SLC10A7: variants seen among roughly 807,000 people sequenced by gnomAD.
SLC10A7 encodes the protein solute carrier family 10 member 7.
In SLC10A7, 29 loss-of-function variants were observed where a neutral mutation model predicts 43.2. That is an observed-to-expected ratio of 0.67 (90% CI 0.50 to 0.92). The LOEUF is 0.92. Among genes scored for constraint, SLC10A7 ranks in the 40% least tolerant of loss-of-function variants. The pLI is 0.00. For missense variants in SLC10A7, 295 were observed against 403.2 expected (o/e 0.73, Z 2.30); for synonymous variants, 152 against 144.8 (o/e 1.05, Z -0.35).
chr4:146,329,042 G>C (rs1463996773), intron 5 of SLC10A7, among the ~76,000 whole-genome samples: 1 of 152,186 alleles, frequency 6.6e-6, no homozygotes, highest in Non-Finnish European at 1.5e-5. Flanking sequence ...GAAAAGTGTT[G>C]TTATCCACAG....
intron 5 of SLC10A7, among the ~76,000 whole-genome samples, chr4:146,404,239 C>T (rs1257073733): frequency 6.6e-6 from 1 of 152,020 alleles, no homozygotes; most frequent in Non-Finnish European, 1.5e-5. Context: ...AGGCTGGTCT[C>T]AAACTCCTGG....
intron 4 of SLC10A7, among the ~76,000 whole-genome samples, chr4:146,499,933 A>C (rs1299425423): frequency 6.6e-6 from 1 of 152,206 alleles, no homozygotes; most frequent in African/African-American, 2.4e-5. Flanking sequence ...ACTTTGGCCA[A>C]AAGTTGAGAA....
intron 5 of SLC10A7, among the ~76,000 whole-genome samples, chr4:146,432,494 C>CA (rs1199834171): frequency 1.3e-5 from 2 of 151,940 alleles, no homozygotes; most frequent in African/African-American, 4.8e-5. Context: ...ACACCGTACT[C>CA]AAAAAGCATA....
At chr4:146,442,704 T>C (rs751327889) in intron 5 of SLC10A7, 79 bp downstream of exon 5, 2 of 1,571,064 alleles carry the variant, frequency 1.3e-6, no homozygotes, top group South Asian at 1.2e-5. Flanking sequence ...GTAAAACAAA[T>C]CCAGCTTTCA....
intron 3 of SLC10A7, 36 bp downstream of exon 3, chr4:146,509,877 T>C (rs911525765): frequency 6.3e-7 from 1 of 1,595,516 alleles, no homozygotes; most frequent in Non-Finnish European, 8.5e-7. Context: ...AGATGCCCCA[T>C]TAAAAGTGGA....
intron 9 of SLC10A7, among the ~76,000 whole-genome samples, chr4:146,287,350 T>C (rs1730102592): frequency 6.6e-6 from 1 of 152,150 alleles, no homozygotes; most frequent in East Asian, 1.9e-4. Flanking sequence ...CTGATGAACA[T>C]AGGTCCCAAA....
At chr4:146,339,005 G>A (rs894837615) in intron 5 of SLC10A7, among the ~76,000 whole-genome samples, 1 of 151,928 alleles carries the variant, frequency 6.6e-6, no homozygotes, top group African/African-American at 2.4e-5. Context: ...GGAGGAGGGG[G>A]ATAGTATGAA....
intron 1 of SLC10A7, among the ~76,000 whole-genome samples, chr4:146,517,536 G>A (rs1487504052): frequency 6.6e-6 from 1 of 152,064 alleles, no homozygotes; most frequent in African/African-American, 2.4e-5. Context: ...TTAGATATCA[G>A]TGTCACCCCT....
At chr4:146,257,454 C>T (rs145624997) in intron 11 of SLC10A7, among the ~76,000 whole-genome samples, 3 of 152,226 alleles carry the variant, frequency 2.0e-5, no homozygotes, top group Non-Finnish European at 4.4e-5. Flanking sequence ...GTGTCATCAC[C>T]GTGTTGGGTA....
intron 4 of SLC10A7, among the ~76,000 whole-genome samples, chr4:146,465,761 AACCCAGTCATTC>A (rs1373356844): frequency 6.6e-6 from 1 of 152,180 alleles, no homozygotes; most frequent in Non-Finnish European, 1.5e-5. Context: ...GGCTGCTTCC[AACCCAGTCATTC>A]TCTGCAGTTC....
chr4:146,485,974 T>G (rs1734881863), intron 4 of SLC10A7, among the ~76,000 whole-genome samples: 2 of 152,038 alleles, frequency 1.3e-5, no homozygotes, highest in Admixed American at 6.5e-5. Context: ...AATGAAGATT[T>G]TAAAAATCAA....
At chr4:146,318,630 A>C (rs1297666693) in intron 6 of SLC10A7, among the ~76,000 whole-genome samples, 2 of 152,018 alleles carry the variant, frequency 1.3e-5, no homozygotes, top group African/African-American at 4.8e-5. Flanking sequence ...TCCCAAATAT[A>C]CATCTCTAGT....
intron 6 of SLC10A7, among the ~76,000 whole-genome samples, chr4:146,314,587 G>A (rs1257913897): frequency 6.6e-6 from 1 of 152,112 alleles, no homozygotes; most frequent in African/African-American, 2.4e-5. Flanking sequence ...ATTCCGAGTG[G>A]GTGAGCATGT....
chr4:146,258,949 T>C (rs1331443986), intron 10 of SLC10A7, 112 bp from the exon 11 acceptor site: 1 of 1,189,152 alleles, frequency 8.4e-7, no homozygotes, highest in Non-Finnish European at 1.2e-6. Context: ...TATTTTCTCA[T>C]GTTTATTCAC....
intron 5 of SLC10A7, among the ~76,000 whole-genome samples, chr4:146,418,681 C>T (rs781505150): frequency 1.3e-5 from 2 of 152,112 alleles, no homozygotes; most frequent in African/African-American, 2.4e-5. Context: ...CTTCTGACAC[C>T]GGATGTGTAG....
At chr4:146,512,014 T>C (rs1428046269) in intron 2 of SLC10A7, among the ~76,000 whole-genome samples, 1 of 128,030 alleles carries the variant, frequency 7.8e-6, no homozygotes, top group Non-Finnish European at 1.6e-5. Context: ...GCTCTTGTCA[T>C]CCAGGCTGGA....
chr4:146,498,384 C>G (rs2150020359), intron 4 of SLC10A7, among the ~76,000 whole-genome samples: 1 of 152,224 alleles, frequency 6.6e-6, no homozygotes, highest in South Asian at 2.1e-4. Flanking sequence ...TCCCAAAGTC[C>G]TGGGATTACA....
chr4:146,301,957 ATACTT>A (rs1553952938), intron 7 of SLC10A7, among the ~76,000 whole-genome samples: 2 of 152,180 alleles, frequency 1.3e-5, no homozygotes, highest in East Asian at 1.9e-4. Flanking sequence ...AATTTACTGA[ATACTT>A]TACTATTTAC....
chr4:146,287,197 A>G (rs1730085843), intron 9 of SLC10A7, among the ~76,000 whole-genome samples: 1 of 152,030 alleles, frequency 6.6e-6, no homozygotes, highest in African/African-American at 2.4e-5. Context: ...GGTGAGAACG[A>G]CTGAGTTTGG....
Sources: gnomAD v4.1 joint callset for allele counts (sites outside exome capture counted in the v4.1 genomes callset) on GRCh38, gnomAD v4.1.1 for gene constraint, MANE v1.5 for transcripts, NCBI Gene and HGNC (gene_info 2026-07-23, HGNC 2026-07-21) for gene names.